Variants in ACYP1 observed in about 807,000 individuals in gnomAD.
ACYP1 encodes acylphosphatase 1.
In ACYP1, 8 loss-of-function variants were observed where a neutral mutation model predicts 10.4. The observed-to-expected ratio is 0.77, with a 90% CI of 0.45 to 1.38. The LOEUF (loss-of-function observed/expected upper bound fraction) is 1.38. Ranked by LOEUF, ACYP1 falls within the 40% of genes most tolerant of loss-of-function variation. The pLI is 0.00. For synonymous variants in ACYP1, 38 were observed against 40.8 expected, an observed-to-expected ratio of 0.93 and a Z score of 0.26; for missense variants, 93 against 117.3, an observed-to-expected ratio of 0.79 and a Z score of 0.96.
In ACYP1 at chr14:75,053,590, A is replaced by G; in HGVS notation, c.154T>C (p.Leu52=). The G allele has an allele frequency of 3.1e-6, 5 of 1,614,088 alleles. No individual in the cohort carries two copies. Among genetic ancestry groups the G allele is most frequent in the Non-Finnish European group, 4.2e-6 (5 of 1,180,022 alleles). ...CGCACCTTGGAGATGGGACCTTGCA[A>G]TTGTCCTTGCACTGTGCCCCGGTCA... is the stretch of plus-strand genomic sequence containing the variant. ...NTDRGTVQGQ[L]QGPISKVRHM... The change falls in exon 3 of 3, where the codon TTG becomes CTG. Residue 52 remains leucine, a synonymous_variant. Transcript: ENST00000238618.
intron 2 of ACYP1, among the ~76,000 whole-genome samples, chr14:75,062,659 C>CAAAAAAAAAAAAAAAA (rs534860020): frequency 9.7e-6 from 1 of 103,420 alleles, no homozygotes; most frequent in Non-Finnish European, 1.9e-5. Flanking sequence ...ACTAAAAATA[C>CAAAAAAAAAAAAAAAA]AAAAAAAAAA....
upstream of ACYP1, among the ~76,000 whole-genome samples, chr14:75,068,443 A>G (rs76623500): frequency 0.015 from 2,259 of 152,274 alleles, 23 homozygotes; most frequent in Non-Finnish European, 0.023. Context: ...ATGGAACTCA[A>G]TGGAAAGTCG....
upstream of ACYP1, among the ~76,000 whole-genome samples, chr14:75,064,607 G>A (rs1226118223): frequency 6.6e-6 from 1 of 152,082 alleles, no homozygotes; most frequent in South Asian, 2.1e-4. Flanking sequence ...GGTGGCGGGC[G>A]CCTGTAATCC....
At chr14:75,059,284 A>G (rs1336042089) in intron 2 of ACYP1, among the ~76,000 whole-genome samples, 1 of 152,032 alleles carries the variant, frequency 6.6e-6, no homozygotes, top group African/African-American at 2.4e-5. Context: ...AGGTGGGCAG[A>G]TTGCTTGAGG....
chr14:75,068,450 G>T (rs72736204), upstream of ACYP1, among the ~76,000 whole-genome samples: 2 of 152,012 alleles, frequency 1.3e-5, no homozygotes, highest in Non-Finnish European at 2.9e-5. Context: ...TCAATGGAAA[G>T]TCGCCCTTCT....
chr14:75,056,927 G>T (rs1305019313), intron 2 of ACYP1, among the ~76,000 whole-genome samples: 2 of 151,582 alleles, frequency 1.3e-5, no homozygotes, highest in African/African-American at 4.9e-5. Context: ...AATGGTGAAA[G>T]ATTAAAAACG....
At chr14:75,060,883 A>G (rs766088373) in intron 2 of ACYP1, among the ~76,000 whole-genome samples, 1 of 152,160 alleles carries the variant, frequency 6.6e-6, no homozygotes, top group Non-Finnish European at 1.5e-5. Context: ...CCTGGCCAAC[A>G]TGGTGAAACC....
chr14:75,062,676 AAAAAAG>A (rs921086731), intron 2 of ACYP1, among the ~76,000 whole-genome samples: 3 of 151,614 alleles, frequency 2.0e-5, no homozygotes, highest in African/African-American at 4.8e-5. Flanking sequence ...AAAAAAAAAA[AAAAAAG>A]AAGTTTTGCA....
chr14:75,069,310 GGA>G (rs1373433898), exon 1 of ACYP1: 1 of 1,423,866 alleles, frequency 7.0e-7, no homozygotes, highest in Non-Finnish European at 9.1e-7. Context: ...GGAAGCACGC[GGA>G]GGCACAGCCA....
chr14:75,066,381 GC>G (rs1893142557), upstream of ACYP1, among the ~76,000 whole-genome samples: 1 of 89,304 alleles, frequency 1.1e-5, no homozygotes, highest in Non-Finnish European at 2.4e-5. Flanking sequence ...TTTTAATAAA[GC>G]TGGGGGGGGG....
rs762735998 is a variant in ACYP1 at position 75,053,529 on chromosome 14, G to A, written c.215C>T (p.Pro72Leu). 6.2e-7 allele frequency: 1 copy of A among 1,614,158 alleles called. No homozygotes were observed. Among genetic ancestry groups the A allele is most frequent in the East Asian group, 2.2e-5 (1 of 44,888 alleles). Residue 72 changes from proline to leucine, a missense_variant, in exon 3 of 3, where the codon CCT becomes CTT. Transcript: ENST00000238618. ...MQEWLETRGSPKSHIDKANFN... is the reference protein window; with the variant it reads ...MQEWLETRGSLKSHIDKANFN... The stretch of plus-strand genomic sequence containing the variant: ...GTTTGCTTTGTCGATGTGTGATTTA[G>A]GACTTCCTCTTGTTTCAAGCCATTC...
upstream of ACYP1, chr14:75,064,040 G>C (rs1333436297): frequency 1.0e-6 from 1 of 988,298 alleles, no homozygotes; most frequent in African/African-American, 1.7e-5. Context: ...TCCGCGCCCG[G>C]AAGTTTAGTG....
chr14:75,054,826 C>T (rs920627237), intron 2 of ACYP1, among the ~76,000 whole-genome samples: 39 of 151,590 alleles, frequency 2.6e-4, no homozygotes, highest in African/African-American at 9.0e-4. Flanking sequence ...ACCTGATGCG[C>T]TGCTAAGTGC....
chr14:75,065,325 G>A (rs998990086), upstream of ACYP1, among the ~76,000 whole-genome samples: 3 of 152,198 alleles, frequency 2.0e-5, no homozygotes, highest in African/African-American at 7.2e-5. Flanking sequence ...TGTGACAGTA[G>A]GCACGGAAAT....
chr14:75,056,297 A>G (rs896536532), intron 2 of ACYP1, among the ~76,000 whole-genome samples: 1 of 151,526 alleles, frequency 6.6e-6, no homozygotes, highest in Non-Finnish European at 1.5e-5. Context: ...TTCCCAACAC[A>G]TTTTATTAAG....
intron 2 of ACYP1, 25 bp downstream of exon 2, chr14:75,063,445 A>G (rs777364867): frequency 6.2e-6 from 10 of 1,602,252 alleles, no homozygotes; most frequent in African/African-American, 5.4e-5. Flanking sequence ...CTAGGTTACC[A>G]CCCCAAAGCC....
chr14:75,058,917 C>T (rs547117074), intron 2 of ACYP1, among the ~76,000 whole-genome samples: 6 of 152,126 alleles, frequency 3.9e-5, no homozygotes, highest in East Asian at 3.9e-4. Context: ...AAAACATAGG[C>T]GGCTGGGCGC....
intron 2 of ACYP1, among the ~76,000 whole-genome samples, chr14:75,059,448 T>G (rs1892965763): frequency 6.6e-6 from 1 of 152,160 alleles, no homozygotes. Context: ...AACAGATAAA[T>G]TTGATTTGAC....
At chr14:75,068,080 A>G (rs1184073070), upstream of ACYP1, among the ~76,000 whole-genome samples, 8 of 152,072 alleles carry the variant, frequency 5.3e-5, no homozygotes, top group Non-Finnish European at 1.0e-4. Flanking sequence ...ACCTGGGGTC[A>G]GGAGTTCAAG....
Sources: allele counts gnomAD v4.1 joint callset (sites outside exome capture counted in the v4.1 genomes callset), GRCh38; gene constraint gnomAD v4.1.1; transcripts MANE v1.5; gene names NCBI Gene and HGNC (gene_info 2026-07-23, HGNC 2026-07-21).